Variants in ZNF407 observed in about 807,000 individuals in gnomAD.
ZNF407 encodes zinc finger protein 407.
Under a neutral mutation model 131.2 loss-of-function variants are expected in ZNF407, and 17 were observed. That is an observed-to-expected ratio of 0.13 (90% CI 0.09 to 0.19). ZNF407 has a LOEUF of 0.19. Among genes scored for constraint, ZNF407 ranks in the 10% least tolerant of loss-of-function variants. The pLI is 1.00. For synonymous variants in ZNF407, 1,156 were observed against 1,062.0 expected (o/e 1.09, Z -1.72); for missense variants, 2,681 against 2,830.6 (o/e 0.95, Z 1.20).
At chr18:74,838,377 G>A (rs1301117268) in intron 4 of ZNF407, among the ~76,000 whole-genome samples, 1 of 152,184 alleles carries the variant, frequency 6.6e-6, no homozygotes, top group Non-Finnish European at 1.5e-5. Flanking sequence ...AATGCGTCCT[G>A]TGTTCCTCCG....
In ZNF407 at chr18:75,063,584, G is replaced by A. The variant is rs777049090; in HGVS notation, c.5863G>A (p.Glu1955Lys). ...CTCCATGGAAGGCCACGGCATGGAT[G>A]AGTCCCTCAGTCCAGGTGGCGCTGT... ...GGSMEGHGMD[E>K]SLSPGGAVIQ... is the part of the protein sequence containing the mutation. The change falls in exon 9 of 9, where the codon GAG (glutamate) becomes AAG (lysine). Residue 1955 changes from glutamate (E) to lysine (K), a missense_variant. Transcript: ENST00000299687. This position sits in a 1 kb window ranked among gnomAD's most constrained non-coding sequence, Gnocchi z 6.6. 1.5e-5 allele frequency: 24 copies of A among 1,569,452 alleles called. No homozygotes were observed. Among genetic ancestry groups the A allele is most frequent in the Non-Finnish European group, 2.0e-5 (23 of 1,158,854 alleles).
At chr18:75,037,894 A>G (rs1973328396) in intron 8 of ZNF407, among the ~76,000 whole-genome samples, 1 of 152,142 alleles carries the variant, frequency 6.6e-6, no homozygotes, top group Admixed American at 6.5e-5. Context: ...GTAATTGATA[A>G]TCTTAGAAGT....
At chr18:74,624,166 C>G (rs1416067897) in intron 1 of ZNF407, among the ~76,000 whole-genome samples, 2 of 152,094 alleles carry the variant, frequency 1.3e-5, no homozygotes, top group African/African-American at 4.8e-5. Context: ...CCTGTTTTCG[C>G]TTTGTTCCGG....
At chr18:74,800,793 G>T (rs1374177637) in intron 4 of ZNF407, among the ~76,000 whole-genome samples, 2 of 151,998 alleles carry the variant, frequency 1.3e-5, no homozygotes, top group Non-Finnish European at 2.9e-5. Flanking sequence ...AAATTAATAC[G>T]ATTTTTACAT....
chr18:74,813,104 G>A (rs1306054577), intron 4 of ZNF407, among the ~76,000 whole-genome samples: 3 of 152,198 alleles, frequency 2.0e-5, no homozygotes, highest in African/African-American at 7.2e-5. Context: ...GATATGACAA[G>A]AAGGATGGCC....
At chr18:74,720,747 C>T (rs985473575) in intron 3 of ZNF407, among the ~76,000 whole-genome samples, 1 of 152,012 alleles carries the variant, frequency 6.6e-6, no homozygotes, top group Admixed American at 6.5e-5. Flanking sequence ...TTGCCAGCAT[C>T]GTCAATGAGT....
intron 8 of ZNF407, among the ~76,000 whole-genome samples, chr18:75,009,543 T>C (rs1351800649): frequency 6.6e-6 from 1 of 151,988 alleles, no homozygotes; most frequent in Non-Finnish European, 1.5e-5. Flanking sequence ...CTTACAAGAG[T>C]AGATTAGGGG....
chr18:75,003,023 A>G lies in ZNF407; in HGVS notation c.5429-60127A>G, dbSNP rs899302832. 4.6e-5 allele frequency among the ~76,000 whole-genome samples: 7 copies of G among 152,296 alleles called. 1 individual carries two copies. The South Asian group carries it at 1.5e-3, about 32-fold the overall frequency. On this transcript the variant is annotated intron_variant, in intron 8 of 8. Transcript: ENST00000299687. ...ATATCACACTTCATGCTTGGTTCTTAGGACACAGACCTCTAAATTCTGTTT... is the reference window on the plus strand; with the variant it reads ...ATATCACACTTCATGCTTGGTTCTTGGGACACAGACCTCTAAATTCTGTTT...
chr18:74,810,076 G>A lies in ZNF407; in HGVS notation c.4877+28574G>A, dbSNP rs185020575. Among the ~76,000 whole-genome samples the A allele has an allele frequency of 2.6e-3, 403 of 152,312 alleles. 4 individuals are homozygous for A. Among genetic ancestry groups the A allele is most frequent in the African/African-American group, 9.2e-3 (381 of 41,572 alleles). On this transcript the variant is annotated intron_variant, in intron 4 of 8. Coordinates refer to ENST00000299687, the MANE Select transcript of ZNF407 (RefSeq NM_017757.3). ...AAGTAGTTTCAGACATTCAAGTGGCGATGCTGAACTGGAAGTTGTATGTGT... is the reference window on the plus strand; with the variant it reads ...AAGTAGTTTCAGACATTCAAGTGGCAATGCTGAACTGGAAGTTGTATGTGT...
rs1973696808 is a variant in ZNF407, at chr18:75,065,030, G to A, written c.*562G>A. 1 of 152,138 alleles carries A rather than the reference G, an allele frequency of 6.6e-6. No homozygotes were observed. Among genetic ancestry groups the A allele is most frequent in the South Asian group, 2.1e-4 (1 of 4,812 alleles). 9.4% of individuals were successfully genotyped at this position (152,138 alleles called of 1,614,324 possible). A position where few individuals can be genotyped will look rare whatever the true frequency, so the allele number is the denominator to read the frequency against. On this transcript the variant is annotated 3_prime_UTR_variant, in exon 9 of 9. Transcript: ENST00000299687. ...TTTTTTTTTTAATTTTAGAATAACA[G>A]TGTCCCCATACCAAAGGAAGCCTGC...
chr18:74,613,059 C>G (rs1477303377), intron 1 of ZNF407, among the ~76,000 whole-genome samples: 1 of 152,106 alleles, frequency 6.6e-6, no homozygotes, highest in Non-Finnish European at 1.5e-5. Context: ...AGTAGTTAAT[C>G]ACATTTTGAT....
At chr18:74,902,979 A>G (rs765924579) in intron 7 of ZNF407, among the ~76,000 whole-genome samples, 2 of 152,124 alleles carry the variant, frequency 1.3e-5, no homozygotes, top group Non-Finnish European at 2.9e-5. Context: ...GGAGGATGGA[A>G]TCTTTCAGAC....
rs753684840 is a variant in ZNF407, at chr18:74,631,198, A to G, written c.179A>G (p.Asp60Gly). The G allele has an allele frequency of 3.7e-6, 6 of 1,614,014 alleles. No individual in the cohort carries two copies. Among genetic ancestry groups the G allele is most frequent in the Non-Finnish European group, 5.1e-6 (6 of 1,179,894 alleles). ...KRGFSESSNS[D>G]SVVIGEDRNK... ...GGTTTTTCAGAATCATCGAACTCTG[A>G]TAGTGTTGTTATAGGAGAAGACAGA... Residue 60 changes from aspartate (D) to glycine (G), a missense_variant, in exon 2 of 9, where the codon GAT becomes GGT. Around this residue, in one of 6 missense-constraint regions of ZNF407, gnomAD observed 1,789 missense variants for 1,748.7 expected, o/e 1.02. Coordinates refer to ENST00000299687, the MANE Select transcript of ZNF407 (RefSeq NM_017757.3).
intron 8 of ZNF407, among the ~76,000 whole-genome samples, chr18:75,052,118 G>A (rs1804709139): frequency 6.6e-6 from 1 of 152,154 alleles, no homozygotes; most frequent in South Asian, 2.1e-4. Flanking sequence ...TTGCATACGT[G>A]TGCATGTCCA....
intron 3 of ZNF407, among the ~76,000 whole-genome samples, chr18:74,716,479 G>A (rs1967897122): frequency 6.6e-6 from 1 of 152,116 alleles, no homozygotes; most frequent in Admixed American, 6.5e-5. Context: ...AGGAGTCAGT[G>A]ACACCCTGTG....
intron 4 of ZNF407, among the ~76,000 whole-genome samples, chr18:74,813,357 C>T (rs536233349): frequency 3.3e-5 from 5 of 152,256 alleles, no homozygotes; most frequent in South Asian, 2.1e-4. Context: ...TCACACTCTG[C>T]GCAGCTTCAG....
At chr18:74,951,717 CT>C (rs1303953765) in intron 8 of ZNF407, among the ~76,000 whole-genome samples, 4 of 152,028 alleles carry the variant, frequency 2.6e-5, no homozygotes, top group African/African-American at 9.7e-5. Flanking sequence ...AAATCATTAA[CT>C]TTGATTCATT....
At chr18:74,993,373 C>G (rs1209215615) in intron 8 of ZNF407, among the ~76,000 whole-genome samples, 1 of 152,128 alleles carries the variant, frequency 6.6e-6, no homozygotes, top group East Asian at 1.9e-4. Flanking sequence ...GTGTGCTAAG[C>G]AAAAGCGCAG....
intron 4 of ZNF407, among the ~76,000 whole-genome samples, chr18:74,782,823 G>C (rs1340384762): frequency 6.6e-6 from 1 of 152,076 alleles, no homozygotes; most frequent in East Asian, 1.9e-4. Context: ...GTTTCACTGT[G>C]TTGGCCAGGA....
Sources: allele counts gnomAD v4.1 joint callset (sites outside exome capture counted in the v4.1 genomes callset), GRCh38; gene constraint gnomAD v4.1.1; regional missense constraint gnomAD v4.1.1; non-coding constraint Gnocchi (gnomAD v3.1); transcripts MANE v1.5; gene names NCBI Gene and HGNC (gene_info 2026-07-23, HGNC 2026-07-21).